Variants in KCNE1 observed in about 807,000 individuals in gnomAD.
KCNE1 encodes the protein potassium voltage-gated channel subfamily E member 1.
In KCNE1, 1 loss-of-function variant was observed where a neutral mutation model predicts 2.9. The ratio of observed to expected loss-of-function variants is 0.34; its 90% CI spans 0.12 to 1.62. The LOEUF is 1.62. Among genes scored for constraint, KCNE1 ranks in the 40% most tolerant of loss-of-function variants. The pLI is 0.36. For missense variants in KCNE1, 45 were observed against 150.5 expected, an observed-to-expected ratio of 0.30 and a Z score of 3.67; for synonymous variants, 23 against 65.4, an observed-to-expected ratio of 0.35 and a Z score of 3.13.
rs183498380 is a variant in KCNE1, at chr21:34,503,878, C to G, written c.-162+7223G>C. 3.7e-4 allele frequency among the ~76,000 whole-genome samples: 57 copies of G among 152,320 alleles called. No individual in the cohort carries two copies. In the East Asian group the frequency reaches 0.01, roughly 27 times the overall value. ...TCAACATATGCCACCAAACCCTTTT[C>G]TTCCCTCTGAATTTTTGGAGGCGCA... is the stretch of plus-strand genomic sequence containing the variant. On this transcript the variant is annotated intron_variant, in intron 2 of 3. Coordinates refer to ENST00000399286, the MANE Select transcript of KCNE1 (RefSeq NM_000219.6).
rs77442996 is a variant in KCNE1 at position 34,449,310 on chromosome 21, C to T, written c.325G>A (p.Val109Ile). Reference sequence around the variant, plus strand: ...TGTTCTATGGCCAGATGGTTTTCAACGACATAGCACGACCTGTAGCTCTCC... The same window carrying T: ...TGTTCTATGGCCAGATGGTTTTCAATGACATAGCACGACCTGTAGCTCTCC... The part of the protein sequence containing the change: ...VLESYRSCYV[V>I]ENHLAIEQPN... The change falls in exon 4 of 4, where the codon GTT (valine) becomes ATT (isoleucine). Residue 109 changes from valine (V) to isoleucine (I), a missense_variant. Physicochemically the swap from Val to Ile is conservative, Grantham distance 29. Transcript: ENST00000399286. 6.6e-5 allele frequency: 91 copies of T among 1,378,414 alleles called. No homozygotes were observed. Among genetic ancestry groups the T allele is most frequent in the African/African-American group, 4.9e-4 (33 of 66,726 alleles). The allele number at this position is 1,378,414 out of a possible 1,614,324, so 85.4% of individuals were successfully genotyped here.
rs199473644 is a variant in KCNE1, at chr21:34,449,472, C to T, written c.163G>A (p.Gly55Ser). ...LYVLMVLGFF[G>S]FFTLGIMLSY... is the part of the protein sequence containing the mutation. ...AGCATGATGCCCAGGGTGAAGAAGC[C>T]GAAGAATCCCAGTACCATGAGGACG... Residue 55 changes from glycine to serine, a missense_variant, in exon 4 of 4, where the codon GGC becomes AGC. Physicochemically the swap from Gly to Ser is moderately conservative, Grantham distance 56. Transcript: ENST00000399286. The T allele has an allele frequency of 6.2e-5, 74 of 1,202,928 alleles. 4 individuals are homozygous for T. The highest frequency in any genetic ancestry group is 4.3e-4 in the South Asian group (34 of 79,370). 74.5% of individuals were successfully genotyped at this position (1,202,928 alleles called of 1,614,324 possible).
Position 34,511,237 on chromosome 21 carries a change from G to A in KCNE1, c.-298C>T, listed in dbSNP as rs78250687. 4.3e-5 allele frequency: 42 copies of A among 985,568 alleles called. 1 individual carries two copies. In the East Asian group the frequency reaches 6.8e-4, roughly 16 times the overall value. 61.1% of individuals were successfully genotyped at this position (985,568 alleles called of 1,614,324 possible). A position where few individuals can be genotyped will look rare whatever the true frequency, so the allele number is the denominator to read the frequency against. On this transcript the variant is annotated 5_prime_UTR_variant, in exon 2 of 4. Transcript: ENST00000399286. ...CTTCTGGTCTCTTCCTCCTGAGCACGGTTCTCCTGGTTGAGCTCCAGGCCA... is the reference window on the plus strand; with the variant it reads ...CTTCTGGTCTCTTCCTCCTGAGCACAGTTCTCCTGGTTGAGCTCCAGGCCA...
intron 2 of KCNE1, among the ~76,000 whole-genome samples, chr21:34,502,277 A>G (rs1349184939): frequency 6.6e-6 from 1 of 152,122 alleles, no homozygotes; most frequent in Non-Finnish European, 1.5e-5. Flanking sequence ...ACTTCAATTC[A>G]TCTCTATAAC....
chr21:34,497,239 GTTGT>G (rs1982866704), intron 2 of KCNE1, among the ~76,000 whole-genome samples: 1 of 152,050 alleles, frequency 6.6e-6, no homozygotes, highest in South Asian at 2.1e-4. Flanking sequence ...TGTTGTTGTT[GTTGT>G]TTGTTTTTTC....
At chr21:34,508,447 A>T (rs1983636723) in intron 2 of KCNE1, among the ~76,000 whole-genome samples, 1 of 152,106 alleles carries the variant, frequency 6.6e-6, no homozygotes, top group Non-Finnish European at 1.5e-5. Flanking sequence ...GATTCAAGCA[A>T]TTCTCCTGTC....
intron 2 of KCNE1, among the ~76,000 whole-genome samples, chr21:34,497,516 C>T (rs1982886016): frequency 6.6e-6 from 1 of 152,170 alleles, no homozygotes; most frequent in Non-Finnish European, 1.5e-5. Context: ...GACCCCAATT[C>T]CTTCTTGCTT....
chr21:34,502,643 T>C (rs1312193394), intron 2 of KCNE1, among the ~76,000 whole-genome samples: 1 of 152,180 alleles, frequency 6.6e-6, no homozygotes, highest in African/African-American at 2.4e-5. Context: ...CTCACCTGAC[T>C]CCACCTGATG....
At chr21:34,499,361 T>C (rs79968205) in intron 2 of KCNE1, among the ~76,000 whole-genome samples, 241 of 152,354 alleles carry the variant, frequency 1.6e-3, no homozygotes, top group African/African-American at 5.6e-3. Flanking sequence ...CCCTTCCCTG[T>C]CTGCCCATCC....
chr21:34,500,524 CACTT>C (rs1362816429), intron 2 of KCNE1, among the ~76,000 whole-genome samples: 1 of 152,170 alleles, frequency 6.6e-6, no homozygotes, highest in Non-Finnish European at 1.5e-5. Context: ...TAATGTAAAA[CACTT>C]ACATGGTTCA....
intron 3 of KCNE1, 100 bp from the exon 4 acceptor site, chr21:34,449,784 G>C: frequency 2.3e-6 from 1 of 438,844 alleles, no homozygotes; most frequent in Admixed American, 3.9e-5. Context: ...CAGGTGAGAG[G>C]GGTGAGCTGA....
chr21:34,502,909 T>G (rs927381888), intron 2 of KCNE1, among the ~76,000 whole-genome samples: 1 of 152,144 alleles, frequency 6.6e-6, no homozygotes, highest in Non-Finnish European at 1.5e-5. Flanking sequence ...AAGCCTACAG[T>G]GCTTTCCCTA....
intron 2 of KCNE1, chr21:34,509,386 C>G (rs1983698273): frequency 6.6e-6 from 1 of 152,250 alleles, no homozygotes. Flanking sequence ...ACTGCTCCCT[C>G]CAGTGTCCTC....
chr21:34,507,384 G>A (rs1318925978), intron 2 of KCNE1, among the ~76,000 whole-genome samples: 1 of 152,126 alleles, frequency 6.6e-6, no homozygotes, highest in Non-Finnish European at 1.5e-5. Flanking sequence ...AAGCTTGGAG[G>A]GGAAAACGCT....
intron 2 of KCNE1, among the ~76,000 whole-genome samples, chr21:34,498,669 TCAA>T (rs1026875332): frequency 6.6e-6 from 1 of 152,256 alleles, no homozygotes; most frequent in Non-Finnish European, 1.5e-5. Context: ...GACGGCTTTC[TCAA>T]ATGCTTGTTA....
intron 2 of KCNE1, chr21:34,510,417 T>C (rs1198041660): frequency 6.6e-6 from 1 of 152,358 alleles, no homozygotes. Context: ...CTTCCTCCCC[T>C]CCAGCCACAG....
At chr21:34,502,458 GA>G (rs1179479417) in intron 2 of KCNE1, among the ~76,000 whole-genome samples, 1 of 152,136 alleles carries the variant, frequency 6.6e-6, no homozygotes, top group African/African-American at 2.4e-5. Flanking sequence ...CACCAATCAG[GA>G]ATAAAAGCCA....
chr21:34,498,676 C>T (rs1165708653), intron 2 of KCNE1, among the ~76,000 whole-genome samples: 1 of 152,264 alleles, frequency 6.6e-6, no homozygotes, highest in Non-Finnish European at 1.5e-5. Flanking sequence ...TTCTCAAATG[C>T]TTGTTATGTT....
At chr21:34,502,109 C>T (rs944521401) in intron 2 of KCNE1, among the ~76,000 whole-genome samples, 9 of 152,118 alleles carry the variant, frequency 5.9e-5, no homozygotes, top group Non-Finnish European at 1.0e-4. Flanking sequence ...TCTAAAATAC[C>T]TTGCCTTTTT....
Sources: gnomAD v4.1 joint callset for allele counts (sites outside exome capture counted in the v4.1 genomes callset) on GRCh38, gnomAD v4.1.1 for gene constraint, MANE v1.5 for transcripts, NCBI Gene and HGNC (gene_info 2026-07-23, HGNC 2026-07-21) for gene names.